Variants in RAPGEF2 observed in about 807,000 individuals in gnomAD.
The protein encoded by RAPGEF2 is Rap guanine nucleotide exchange factor 2.
RAPGEF2 carries 54 observed loss-of-function variants against 186.7 expected under a neutral mutation model. That is an observed-to-expected ratio of 0.29 (90% CI 0.23 to 0.36). RAPGEF2 has a LOEUF of 0.36. Ranked by LOEUF, RAPGEF2 falls within the 10% of genes least tolerant of loss-of-function variation. The pLI, the probability that RAPGEF2 is intolerant of heterozygous loss-of-function variation, is 1.00. For missense variants in RAPGEF2, 1,532 were observed against 2,045.0 expected, an observed-to-expected ratio of 0.75 and a Z score of 4.84; for synonymous variants, 712 against 705.9, an observed-to-expected ratio of 1.01 and a Z score of -0.14.
chr4:159,249,906 A>G (rs1363811069), intron 7 of RAPGEF2, among the ~76,000 whole-genome samples: 1 of 152,208 alleles, frequency 6.6e-6, no homozygotes, highest in Non-Finnish European at 1.5e-5. Context: ...TAAGTATATT[A>G]GTAGTAAACT....
intron 19 of RAPGEF2, 53 bp downstream of exon 19, chr4:159,339,407 C>A: frequency 6.4e-7 from 1 of 1,571,460 alleles, no homozygotes; most frequent in South Asian, 1.2e-5. Context: ...GAACCCACAT[C>A]AAAGTCTAAG....
intron 2 of RAPGEF2, among the ~76,000 whole-genome samples, chr4:159,190,286 G>C (rs1747979073): frequency 6.6e-6 from 1 of 152,224 alleles, no homozygotes; most frequent in South Asian, 2.1e-4. Context: ...TGGTTGGAAA[G>C]ATCTCTGGAA....
intron 15 of RAPGEF2, 42 bp downstream of exon 15, chr4:159,331,875 CTG>C: frequency 2.5e-6 from 4 of 1,588,624 alleles, no homozygotes; most frequent in Non-Finnish European, 3.4e-6. Context: ...ATTTTGGTGT[CTG>C]GTTTTTTTTT....
rs149145407 is a variant in RAPGEF2 at position 159,143,654 on chromosome 4, G to C, written c.69+39423G>C. ...GCAGGGATATACACTTAAGGCTCTG[G>C]GTAAGAGCTGGATCAAATGTTACAT... On this transcript the variant is annotated intron_variant, in intron 1 of 29. Transcript: ENST00000691494. Among the ~76,000 whole-genome samples the C allele has an allele frequency of 2.2e-3, 340 of 152,140 alleles. 2 individuals carry two copies. The highest frequency in any genetic ancestry group is 3.5e-3 in the Non-Finnish European group (235 of 68,002).
intron 10 of RAPGEF2, among the ~76,000 whole-genome samples, chr4:159,322,804 A>C (rs182289488): frequency 3.3e-5 from 5 of 152,182 alleles, no homozygotes; most frequent in East Asian, 1.9e-4. Context: ...TGAGGAAGAT[A>C]CAAAAGCAGA....
chr4:159,219,659 C>G (rs1394967855), intron 4 of RAPGEF2, among the ~76,000 whole-genome samples: 2 of 152,122 alleles, frequency 1.3e-5, no homozygotes, highest in Non-Finnish European at 2.9e-5. Context: ...GCAGCCATAA[C>G]TTTATCTTTG....
At chr4:159,301,653 G>A (rs1762689035) in intron 7 of RAPGEF2, among the ~76,000 whole-genome samples, 1 of 152,122 alleles carries the variant, frequency 6.6e-6, no homozygotes, top group Non-Finnish European at 1.5e-5. Flanking sequence ...CCAGAAGTTT[G>A]AGACCAACCT....
At chr4:159,177,458 T>C (rs973497687) in intron 1 of RAPGEF2, among the ~76,000 whole-genome samples, 5 of 152,178 alleles carry the variant, frequency 3.3e-5, no homozygotes, top group Admixed American at 3.3e-4. Flanking sequence ...TGCATAGATA[T>C]TATTCACCGT....
chr4:159,320,849 T>G (rs1054634454), intron 9 of RAPGEF2, among the ~76,000 whole-genome samples: 5 of 152,142 alleles, frequency 3.3e-5, no homozygotes, highest in Non-Finnish European at 7.3e-5. Context: ...AATGTTTGAT[T>G]ATGTACAAGA....
chr4:159,354,949 G>A (rs186097085), intron 28 of RAPGEF2, among the ~76,000 whole-genome samples: 190 of 152,236 alleles, frequency 1.2e-3, no homozygotes, highest in African/African-American at 4.3e-3. Context: ...TAATCATTAC[G>A]GACATTACTT....
Position 159,356,155 on chromosome 4 carries a change from G to GA in RAPGEF2, c.4955dup (p.Asp1652GlufsTer2). 8 of 1,613,358 alleles carry GA rather than the reference G, an allele frequency of 5.0e-6. No individual in the cohort carries two copies. Among genetic ancestry groups the GA allele is most frequent in the Non-Finnish European group, 6.8e-6 (8 of 1,179,424 alleles). On this transcript the variant is annotated frameshift_variant, in exon 29 of 30. Transcript: ENST00000691494. LOFTEE classifies it high-confidence loss of function. ...GTCCCAAGGGTTTTCCACCGAGGAG[G>GA]ATGGTATATGCACATAAATATTCCT... is the stretch of plus-strand genomic sequence containing the variant.
chr4:159,242,652 A>T (rs1227641213), intron 6 of RAPGEF2, among the ~76,000 whole-genome samples: 1 of 152,010 alleles, frequency 6.6e-6, no homozygotes, highest in African/African-American at 2.4e-5. Flanking sequence ...TCACAAAGAC[A>T]TCTTTGTCTG....
At chr4:159,206,302 C>G (rs770737346) in intron 3 of RAPGEF2, among the ~76,000 whole-genome samples, 4 of 152,152 alleles carry the variant, frequency 2.6e-5, no homozygotes, top group Non-Finnish European at 5.9e-5. Flanking sequence ...ATTGGATATT[C>G]TATTGAAAAT....
At chr4:159,251,358 G>T (rs1228889206) in intron 7 of RAPGEF2, among the ~76,000 whole-genome samples, 1 of 152,276 alleles carries the variant, frequency 6.6e-6, no homozygotes, top group Non-Finnish European at 1.5e-5. Context: ...CCCAGGCGTG[G>T]GATCCACTAG....
intron 7 of RAPGEF2, among the ~76,000 whole-genome samples, chr4:159,273,832 G>C (rs535783664): frequency 1.3e-5 from 2 of 152,126 alleles, no homozygotes; most frequent in Admixed American, 1.3e-4. Flanking sequence ...TCGCTCTGTC[G>C]CCTGGGCTGG....
At chr4:159,197,153 G>C (rs189312601) in intron 3 of RAPGEF2, among the ~76,000 whole-genome samples, 1 of 152,224 alleles carries the variant, frequency 6.6e-6, no homozygotes, top group East Asian at 1.9e-4. Context: ...TCTTAAATGA[G>C]AAACATATAT....
intron 1 of RAPGEF2, among the ~76,000 whole-genome samples, chr4:159,133,413 G>A (rs529555894): frequency 6.6e-6 from 1 of 150,800 alleles, no homozygotes; most frequent in Non-Finnish European, 1.5e-5. Flanking sequence ...GTGTAAAGTT[G>A]TATGAATTTT....
chr4:159,281,646 G>A (rs1353360941), intron 7 of RAPGEF2, among the ~76,000 whole-genome samples: 2 of 146,320 alleles, frequency 1.4e-5, no homozygotes. Flanking sequence ...ACTCTAGCCT[G>A]GGCAACAAGA....
intron 1 of RAPGEF2, among the ~76,000 whole-genome samples, chr4:159,112,110 C>T (rs748064416): frequency 3.3e-5 from 5 of 152,144 alleles, no homozygotes; most frequent in African/African-American, 1.2e-4. Flanking sequence ...CCTCCCCCTG[C>T]GCAGCATCAT....
Sources: gnomAD v4.1 joint callset for allele counts (sites outside exome capture counted in the v4.1 genomes callset) on GRCh38, gnomAD v4.1.1 for gene constraint, MANE v1.5 for transcripts, NCBI Gene and HGNC (gene_info 2026-07-23, HGNC 2026-07-21) for gene names.